Variants in IL1RAPL1 observed in about 807,000 individuals in gnomAD.
IL1RAPL1 encodes the protein interleukin-1 receptor accessory protein-like 1.
Under a neutral mutation model 48.4 loss-of-function variants are expected in IL1RAPL1, and 3 were observed. The observed-to-expected ratio is 0.06, with a 90% CI of 0.03 to 0.16. The LOEUF is 0.16. Ranked by LOEUF, IL1RAPL1 falls within the 10% of genes least tolerant of loss-of-function variation. The pLI is 1.00. For missense variants in IL1RAPL1, 349 were observed against 530.6 expected, an observed-to-expected ratio of 0.66 and a Z score of 3.36; for synonymous variants, 185 against 187.7, an observed-to-expected ratio of 0.99 and a Z score of 0.12.
intron 2 of IL1RAPL1, among the ~76,000 whole-genome samples, chrX:29,125,959 C>T (rs73210072): frequency 0.21 from 22,044 of 107,454 alleles, 1,985 homozygotes; most frequent in African/African-American, 0.33. Flanking sequence ...ACAACATAAC[C>T]TTTTACAACT....
At chrX:29,168,528 T>C (rs1381653385) in intron 2 of IL1RAPL1, among the ~76,000 whole-genome samples, 1 of 90,701 alleles carries the variant, frequency 1.1e-5, no homozygotes, top group Non-Finnish European at 2.2e-5. Flanking sequence ...GATTTCATTC[T>C]GTTTTATGGC....
At chrX:29,686,371 G>A (rs779089135) in intron 6 of IL1RAPL1, among the ~76,000 whole-genome samples, 3 of 110,077 alleles carry the variant, frequency 2.7e-5, no homozygotes, top group African/African-American at 9.9e-5. Flanking sequence ...TAGTGGTCTT[G>A]CCACTGACTA....
At chrX:29,951,963 A>G (rs891834813) in intron 9 of IL1RAPL1, among the ~76,000 whole-genome samples, 2 of 112,054 alleles carry the variant, frequency 1.8e-5, no homozygotes, top group Non-Finnish European at 3.8e-5. Flanking sequence ...GGGCTGAAAG[A>G]AAAATGAAGT....
chrX:29,657,824 G>GT (rs199945372), intron 5 of IL1RAPL1, among the ~76,000 whole-genome samples: 3,269 of 74,914 alleles, frequency 0.044, 66 homozygotes, highest in African/African-American at 0.083. Context: ...ATTAGTGACT[G>GT]TTTTTTTTTT....
intron 1 of IL1RAPL1, among the ~76,000 whole-genome samples, chrX:28,779,634 GTA>G (rs1183080798): frequency 0.066 from 2,517 of 38,043 alleles, 29 homozygotes; most frequent in Non-Finnish European, 0.073. Context: ...GTGTGTGTGT[GTA>G]TATATATATA....
chrX:28,931,788 A>G lies in IL1RAPL1; in HGVS notation c.82+142363A>G, dbSNP rs907872655. ...TGCGGTGGCTCACGCCTGTAATCCC[A>G]GCACTTTGGGAGGCCGAGGCGGGTG... is the stretch of plus-strand genomic sequence containing the variant. On this transcript the variant is annotated intron_variant, in intron 2 of 10. Transcript: ENST00000378993. Among the ~76,000 whole-genome samples the G allele has an allele frequency of 1.1e-3, 118 of 111,448 alleles. 1 individual carries two copies. Among genetic ancestry groups the G allele is most frequent in the Non-Finnish European group, 2.8e-4 (15 of 53,120 alleles).
intron 5 of IL1RAPL1, among the ~76,000 whole-genome samples, chrX:29,470,147 C>G (rs1384195898): frequency 8.9e-6 from 1 of 112,174 alleles, no homozygotes; most frequent in Non-Finnish European, 1.9e-5. Flanking sequence ...GCAACACACC[C>G]ATGTAGGACC....
intron 2 of IL1RAPL1, among the ~76,000 whole-genome samples, chrX:28,923,207 G>A (rs745531625): frequency 7.3e-5 from 8 of 109,190 alleles, no homozygotes; most frequent in African/African-American, 2.3e-4. Context: ...AAGGAGTTTC[G>A]CTCTTATTGC....
intron 2 of IL1RAPL1, among the ~76,000 whole-genome samples, chrX:28,852,648 AGT>A (rs1283331700): frequency 9.0e-6 from 1 of 111,679 alleles, no homozygotes; most frequent in Non-Finnish European, 1.9e-5. Flanking sequence ...ATTGTAAGTC[AGT>A]GTGTTATTTG....
Position 29,293,200 on chromosome X carries a change from C to T in IL1RAPL1, c.362+9983C>T, listed in dbSNP as rs1024630971. Among the ~76,000 whole-genome samples, 6 of 111,461 alleles carry T rather than the reference C, an allele frequency of 5.4e-5. No homozygotes were observed. In the East Asian group the frequency reaches 8.3e-4, roughly 15 times the overall value. On this transcript the variant is annotated intron_variant, in intron 3 of 10. Coordinates refer to ENST00000378993, the MANE Select transcript of IL1RAPL1 (RefSeq NM_014271.4). Reference sequence around the variant, plus strand: ...AAATTCAATTGATGGAAGTAAAAGCCAAGAGCTGTGTGAAATGTCTATTTG... The same window carrying T: ...AAATTCAATTGATGGAAGTAAAAGCTAAGAGCTGTGTGAAATGTCTATTTG...
chrX:28,678,230 G>T (rs1374614969), intron 1 of IL1RAPL1, among the ~76,000 whole-genome samples: 2 of 111,338 alleles, frequency 1.8e-5, no homozygotes, highest in Non-Finnish European at 3.8e-5. Context: ...TATTCCGATG[G>T]CTATCAAGTA....
intron 3 of IL1RAPL1, among the ~76,000 whole-genome samples, chrX:29,395,818 C>G (rs1602213239): frequency 1.8e-5 from 2 of 112,062 alleles, no homozygotes; most frequent in Non-Finnish European, 3.8e-5. Flanking sequence ...CTCGTCTTAG[C>G]AAGACAACCA....
At chrX:29,161,907 T>C (rs753323456) in intron 2 of IL1RAPL1, among the ~76,000 whole-genome samples, 2 of 112,080 alleles carry the variant, frequency 1.8e-5, no homozygotes, top group Non-Finnish European at 3.8e-5. Flanking sequence ...CACATGCACA[T>C]GTATGTGTAT....
intron 3 of IL1RAPL1, among the ~76,000 whole-genome samples, chrX:29,356,243 C>T (rs1244971635): frequency 9.0e-6 from 1 of 110,730 alleles, no homozygotes; most frequent in Non-Finnish European, 1.9e-5. Context: ...TGTGTGTACA[C>T]GTGTGTATCC....
intron 2 of IL1RAPL1, among the ~76,000 whole-genome samples, chrX:29,196,705 G>C (rs773453256): frequency 9.1e-6 from 1 of 109,942 alleles, no homozygotes; most frequent in African/African-American, 3.3e-5. Context: ...ACTCTGCAGG[G>C]AACCTCACAC....
chrX:29,793,719 G>A (rs1045960600), intron 6 of IL1RAPL1, among the ~76,000 whole-genome samples: 4 of 112,166 alleles, frequency 3.6e-5, no homozygotes, highest in African/African-American at 1.3e-4. Flanking sequence ...TTTAGTCAAT[G>A]AGTGAATAAA....
chrX:29,054,229 T>A (rs1267638032), intron 2 of IL1RAPL1, among the ~76,000 whole-genome samples: 1 of 111,152 alleles, frequency 9.0e-6, no homozygotes, highest in Non-Finnish European at 1.9e-5. Context: ...CCCACCTCAC[T>A]GTGTTTCAAT....
intron 2 of IL1RAPL1, among the ~76,000 whole-genome samples, chrX:28,984,248 A>C (rs1925411802): frequency 9.0e-6 from 1 of 111,672 alleles, no homozygotes; most frequent in South Asian, 3.7e-4. Context: ...TTAAATTATA[A>C]ATTTAATGAT....
intron 6 of IL1RAPL1, among the ~76,000 whole-genome samples, chrX:29,754,125 C>T (rs1037592604): frequency 2.7e-5 from 3 of 111,668 alleles, no homozygotes; most frequent in Non-Finnish European, 5.6e-5. Context: ...AAATTCTACT[C>T]CTTCAAGTGC....
Sources: gnomAD v4.1 joint callset for allele counts (sites outside exome capture counted in the v4.1 genomes callset) on GRCh38, gnomAD v4.1.1 for gene constraint, MANE v1.5 for transcripts, NCBI Gene and HGNC (gene_info 2026-07-23, HGNC 2026-07-21) for gene names.